Variants in TM9SF3 observed in about 807,000 individuals in gnomAD.
The protein encoded by TM9SF3 is transmembrane 9 superfamily member 3, also known as SM-11044-binding protein.
A neutral mutation model predicts 78.6 loss-of-function variants in TM9SF3; 14 were observed. The ratio of observed to expected loss-of-function variants is 0.18; its 90% CI spans 0.12 to 0.28. TM9SF3 has a LOEUF of 0.28. Among genes scored for constraint, TM9SF3 ranks in the 10% least tolerant of loss-of-function variants. The pLI is 1.00. For synonymous variants in TM9SF3, 231 were observed against 241.7 expected, an observed-to-expected ratio of 0.96 and a Z score of 0.41; for missense variants, 496 against 721.9, an observed-to-expected ratio of 0.69 and a Z score of 3.59.
At chr10:96,557,320 G>C (rs1848245681) in intron 5 of TM9SF3, among the ~76,000 whole-genome samples, 1 of 148,166 alleles carries the variant, frequency 6.7e-6, no homozygotes, top group Non-Finnish European at 1.5e-5. Flanking sequence ...TACAGCCCCA[G>C]TGATGTCAGC....
intron 7 of TM9SF3, among the ~76,000 whole-genome samples, chr10:96,548,381 T>C (rs1848126116): frequency 6.6e-6 from 1 of 152,258 alleles, no homozygotes; most frequent in Non-Finnish European, 1.5e-5. Flanking sequence ...TTTCATAACT[T>C]GATTCAACTG....
intron 2 of TM9SF3, among the ~76,000 whole-genome samples, chr10:96,568,631 T>C (rs1185144402): frequency 6.6e-6 from 1 of 152,182 alleles, no homozygotes; most frequent in Admixed American, 6.5e-5. Flanking sequence ...ATGCCATACT[T>C]TGTTTACTTT....
intron 1 of TM9SF3, among the ~76,000 whole-genome samples, chr10:96,582,299 G>T (rs78310110): frequency 0.017 from 2,516 of 152,276 alleles, 34 homozygotes; most frequent in Non-Finnish European, 0.029. Context: ...CAAGACTGGC[G>T]ATCAGGAAGC....
In TM9SF3 at chr10:96,586,873, T is replaced by C. The variant is rs1848639654; in HGVS notation, c.-38A>G. 1 of 1,182,054 alleles carries C rather than the reference T, an allele frequency of 8.5e-7. No homozygotes were observed. Among genetic ancestry groups the C allele is most frequent in the Admixed American group, 4.6e-5 (1 of 21,644 alleles). The allele number at this position is 1,182,054 out of a possible 1,614,324, so 73.2% of individuals were successfully genotyped here. On this transcript the variant is annotated 5_prime_UTR_variant, in exon 1 of 15. Transcript: ENST00000371142. ...TCCGGCCCGGAGCCGGCTCACCGAC[T>C]CCTCCTCCCGCCGCCGCCTCCTCCG...
intron 9 of TM9SF3, among the ~76,000 whole-genome samples, chr10:96,539,064 G>A (rs1282225523): frequency 2.0e-5 from 3 of 152,194 alleles, no homozygotes; most frequent in African/African-American, 7.2e-5. Flanking sequence ...CATAAATACA[G>A]TAACTTGATT....
At position 96,518,217 on chromosome 10, in the gene TM9SF3, T is replaced by C. The variant is rs573228231; in HGVS notation, c.*4046A>G. The C allele has an allele frequency of 1.3e-5, 2 of 152,280 alleles. No homozygotes were observed. The highest frequency in any genetic ancestry group is 4.8e-5 in the African/African-American group (2 of 41,558). 9.4% of individuals were successfully genotyped at this position (152,280 alleles called of 1,614,324 possible). A position where few individuals can be genotyped will look rare whatever the true frequency, so the allele number is the denominator to read the frequency against. ...ACATTATATACTGGATTTCTATTAC[T>C]AAAAAGCCAGTTGGAATATGGCCTA... is the stretch of plus-strand genomic sequence containing the variant. On this transcript the variant is annotated 3_prime_UTR_variant, in exon 15 of 15. Transcript: ENST00000371142.
intron 10 of TM9SF3, among the ~76,000 whole-genome samples, chr10:96,532,390 G>A (rs1303158186): frequency 2.0e-5 from 3 of 149,786 alleles, no homozygotes; most frequent in African/African-American, 7.3e-5. Flanking sequence ...ATGTCTAGAA[G>A]GGACAGAGCA....
At chr10:96,555,453 T>C (rs1303089576) in intron 5 of TM9SF3, among the ~76,000 whole-genome samples, 2 of 152,202 alleles carry the variant, frequency 1.3e-5, no homozygotes, top group Admixed American at 6.5e-5. Flanking sequence ...TTCATAGATA[T>C]CCTCCTGCTC....
chr10:96,557,432 T>G (rs1848247506), intron 5 of TM9SF3, among the ~76,000 whole-genome samples: 2 of 97,788 alleles, frequency 2.0e-5, no homozygotes, highest in Non-Finnish European at 4.2e-5. Context: ...ACTCACAATC[T>G]AACATCTTTT....
chr10:96,522,394 A>C, intron 14 of TM9SF3, 64 bp from the exon 15 acceptor site: 1 of 1,247,436 alleles, frequency 8.0e-7, no homozygotes, highest in Non-Finnish European at 1.1e-6. Flanking sequence ...TCATTTAAAA[A>C]CACTAAATAC....
intron 9 of TM9SF3, among the ~76,000 whole-genome samples, chr10:96,543,341 A>ATTTTTTTTTTTT (rs747592959): frequency 3.5e-4 from 3 of 8,502 alleles, no homozygotes; most frequent in Non-Finnish European, 5.0e-4. Context: ...GCTTAGTGAG[A>ATTTTTTTTTTTT]TTCTTTTTTT....
At chr10:96,546,690 T>G (rs1334800482) in intron 8 of TM9SF3, among the ~76,000 whole-genome samples, 1 of 152,116 alleles carries the variant, frequency 6.6e-6, no homozygotes, top group Non-Finnish European at 1.5e-5. Flanking sequence ...ATCCAAATAA[T>G]TATCTATACT....
intron 7 of TM9SF3, among the ~76,000 whole-genome samples, chr10:96,550,220 T>C (rs776845904): frequency 6.6e-6 from 1 of 152,202 alleles, no homozygotes. Flanking sequence ...TCAACAAGCA[T>C]TGACTGAATA....
In TM9SF3 at chr10:96,555,914, A is replaced by T. The variant is rs1428936538; in HGVS notation, c.661-2855T>A. ...CATACCATCTTTTAGTCAATTTATC[A>T]AATTTTTTAAAATAAAAGAAGTTTT... On this transcript the variant is annotated intron_variant, in intron 5 of 14. Transcript: ENST00000371142. Among the ~76,000 whole-genome samples the T allele has an allele frequency of 2.6e-5, 4 of 152,188 alleles. No homozygotes were observed. The East Asian group carries it at 7.7e-4, about 29-fold the overall frequency.
chr10:96,556,367 A>G (rs1420771849), intron 5 of TM9SF3, among the ~76,000 whole-genome samples: 5 of 152,224 alleles, frequency 3.3e-5, no homozygotes, highest in Non-Finnish European at 1.5e-5. Context: ...TCTGCAAGGT[A>G]CTATAATCCT....
chr10:96,586,131 C>G (rs1848625979), intron 1 of TM9SF3, among the ~76,000 whole-genome samples: 1 of 152,140 alleles, frequency 6.6e-6, no homozygotes, highest in Admixed American at 6.5e-5. Flanking sequence ...AGGAATTGAA[C>G]GCGTGTAGGT....
rs955144807 is a variant in TM9SF3, at chr10:96,547,114, C to T, written c.1054+781G>A. On this transcript the variant is annotated intron_variant, in intron 8 of 14. Transcript: ENST00000371142. The stretch of plus-strand genomic sequence containing the variant: ...AACAGGATATTTAAGACAAAGTGCT[C>T]TTAGCAAGAGACTGTGACAGTGACA... Among the ~76,000 whole-genome samples, 19 of 152,176 alleles carry T rather than the reference C, an allele frequency of 1.2e-4. No individual in the cohort carries two copies. In the East Asian group the frequency reaches 3.7e-3, roughly 29 times the overall value.
chr10:96,570,070 A>G (rs1406855870), intron 2 of TM9SF3, among the ~76,000 whole-genome samples: 1 of 152,256 alleles, frequency 6.6e-6, no homozygotes, highest in Non-Finnish European at 1.5e-5. Context: ...TCCAAGTTAC[A>G]GAATAGTATG....
intron 2 of TM9SF3, among the ~76,000 whole-genome samples, chr10:96,572,651 C>A (rs1237242675): frequency 2.0e-5 from 3 of 151,726 alleles, no homozygotes; most frequent in South Asian, 2.1e-4. Context: ...CTCAGCCTCC[C>A]GAGTAGCTGG....
Sources: allele counts gnomAD v4.1 joint callset (sites outside exome capture counted in the v4.1 genomes callset), GRCh38; gene constraint gnomAD v4.1.1; transcripts MANE v1.5; gene names NCBI Gene and HGNC (gene_info 2026-07-23, HGNC 2026-07-21).